TTC39C: variants seen among roughly 807,000 people sequenced by gnomAD.
The protein encoded by TTC39C is tetratricopeptide repeat protein 39C.
TTC39C carries 33 observed loss-of-function variants against 76.3 expected under a neutral mutation model. The observed-to-expected ratio is 0.43, with a 90% CI of 0.33 to 0.58. The LOEUF is 0.58. Among genes scored for constraint, TTC39C ranks in the 20% least tolerant of loss-of-function variants. The probability of loss-of-function intolerance (pLI) is 0.04; values close to 1 mark genes in which losing one functional copy is unlikely to be tolerated. For synonymous variants in TTC39C, 254 were observed against 260.6 expected, an observed-to-expected ratio of 0.97 and a Z score of 0.24; for missense variants, 595 against 701.4, an observed-to-expected ratio of 0.85 and a Z score of 1.71.
At chr18:24,037,864 G>T (rs551895785) in intron 1 of TTC39C, among the ~76,000 whole-genome samples, 9 of 152,290 alleles carry the variant, frequency 5.9e-5, no homozygotes, top group African/African-American at 1.9e-4. Flanking sequence ...ACTGTGAACG[G>T]CAGGTACCAT....
At chr18:24,057,321 GTTTTTC>G (rs1195380038) in intron 1 of TTC39C, among the ~76,000 whole-genome samples, 2 of 152,112 alleles carry the variant, frequency 1.3e-5, no homozygotes, top group Non-Finnish European at 1.5e-5. Flanking sequence ...TTATCTGATT[GTTTTTC>G]TTTTTAATAT....
At chr18:24,081,064 A>T in intron 5 of TTC39C, 125 bp downstream of exon 5, 2 of 800,614 alleles carry the variant, frequency 2.5e-6, no homozygotes, top group Non-Finnish European at 3.9e-6. Flanking sequence ...GCTGTGTCTT[A>T]TGTCTTTCAA....
At chr18:24,103,034 G>A (rs1474882874) in intron 6 of TTC39C, among the ~76,000 whole-genome samples, 3 of 152,122 alleles carry the variant, frequency 2.0e-5, no homozygotes, top group East Asian at 3.9e-4. Context: ...CCTAGGAGGC[G>A]GAGGTTGCAG....
chr18:23,998,743 C>T (rs1261607902), intron 1 of TTC39C, among the ~76,000 whole-genome samples: 1 of 152,200 alleles, frequency 6.6e-6, no homozygotes, highest in East Asian at 1.9e-4. Flanking sequence ...ATAAATGCTG[C>T]ACAGAAGTGG....
intron 6 of TTC39C, among the ~76,000 whole-genome samples, chr18:24,113,096 T>C (rs2084836898): frequency 6.6e-6 from 1 of 152,190 alleles, no homozygotes; most frequent in Non-Finnish European, 1.5e-5. Flanking sequence ...AGAACAGGAA[T>C]CAGGGATGCG....
intron 1 of TTC39C, among the ~76,000 whole-genome samples, chr18:24,019,433 C>T (rs2083493140): frequency 6.6e-6 from 1 of 152,180 alleles, no homozygotes; most frequent in African/African-American, 2.4e-5. Flanking sequence ...TGTGACACTT[C>T]CTTTTCCATT....
intron 1 of TTC39C, among the ~76,000 whole-genome samples, chr18:24,026,378 T>C (rs1568410007): frequency 6.6e-6 from 1 of 152,192 alleles, no homozygotes. Context: ...CAGGGCACAG[T>C]TGCCTCAAAG....
intron 1 of TTC39C, among the ~76,000 whole-genome samples, chr18:24,050,387 C>T (rs746825530): frequency 7.9e-5 from 12 of 151,008 alleles, no homozygotes; most frequent in African/African-American, 2.9e-4. Context: ...TTGGACAACA[C>T]GACGGAATCC....
Position 24,066,286 on chromosome 18 carries a change from A to G in TTC39C, c.345+146A>G, listed in dbSNP as rs917768695. ...AATGTTTCTTATGGTTTTTGGTTAT[A>G]TAAAATGTTATCTCTTATAAAAACA... On this transcript the variant is annotated intron_variant, in intron 3 of 13. Transcript: ENST00000317571. The G allele has an allele frequency of 5.6e-6, 6 of 1,078,922 alleles. No homozygotes were observed. The African/African-American group carries it at 8.5e-5, about 15-fold the overall frequency. 66.8% of individuals were successfully genotyped at this position (1,078,922 alleles called of 1,614,324 possible). A position where few individuals can be genotyped will look rare whatever the true frequency, so the allele number is the denominator to read the frequency against.
rs773106527 is a variant in TTC39C, at chr18:24,064,125, G to T, written c.168-15G>T. 1.6e-5 allele frequency: 26 copies of T among 1,599,236 alleles called. No homozygotes were observed. Among genetic ancestry groups the T allele is most frequent in the Admixed American group, 3.4e-5 (2 of 59,512 alleles). The stretch of plus-strand genomic sequence containing the variant: ...ATAATTGTATTTTGTGTGTGTGTGT[G>T]TGTTTTTTTAACAGAAATCATAGCC... On this transcript the variant is annotated splice_polypyrimidine_tract_variant and intron_variant, in intron 1 of 13. Transcript: ENST00000317571.
chr18:24,002,584 G>A (rs183175341), intron 1 of TTC39C, among the ~76,000 whole-genome samples: 62 of 152,286 alleles, frequency 4.1e-4, no homozygotes, highest in African/African-American at 1.3e-3. Context: ...AATGTGTGGG[G>A]ATTTCTGTGT....
chr18:24,056,943 G>A (rs1000227473), intron 1 of TTC39C, among the ~76,000 whole-genome samples: 2 of 152,088 alleles, frequency 1.3e-5, no homozygotes, highest in Non-Finnish European at 2.9e-5. Context: ...TCAGCCTCCG[G>A]AAGTGCTAGG....
intron 7 of TTC39C, among the ~76,000 whole-genome samples, chr18:24,115,801 G>C (rs1214065369): frequency 1.3e-5 from 2 of 152,224 alleles, no homozygotes; most frequent in African/African-American, 4.8e-5. Flanking sequence ...AGGAAATGAT[G>C]TATAATCCAG....
chr18:24,070,652 T>A (rs74726331), intron 4 of TTC39C, among the ~76,000 whole-genome samples: 2 of 152,082 alleles, frequency 1.3e-5, no homozygotes, highest in Non-Finnish European at 2.9e-5. Flanking sequence ...GAGACCAGCC[T>A]GGCCAACATG....
intron 1 of TTC39C, among the ~76,000 whole-genome samples, chr18:24,022,302 G>T (rs900032164): frequency 6.6e-6 from 1 of 151,668 alleles, no homozygotes; most frequent in East Asian, 2.0e-4. Context: ...TTGTGGGCTG[G>T]CATTGAGCCA....
At chr18:24,091,688 A>G (rs564867815) in intron 6 of TTC39C, among the ~76,000 whole-genome samples, 5 of 152,346 alleles carry the variant, frequency 3.3e-5, no homozygotes, top group African/African-American at 1.2e-4. Context: ...AAGACAACCC[A>G]TAGAATGGGA....
intron 1 of TTC39C, among the ~76,000 whole-genome samples, chr18:24,056,954 A>G (rs1400901992): frequency 6.6e-6 from 1 of 152,058 alleles, no homozygotes; most frequent in African/African-American, 2.4e-5. Context: ...AAGTGCTAGG[A>G]TTATAGGTGT....
At chr18:24,072,065 A>G (rs1349571480) in intron 4 of TTC39C, among the ~76,000 whole-genome samples, 1 of 152,216 alleles carries the variant, frequency 6.6e-6, no homozygotes, top group East Asian at 1.9e-4. Context: ...TGGGTTATTA[A>G]GCTACAAATA....
chr18:24,132,091 A>G (rs2085138088), intron 13 of TTC39C, among the ~76,000 whole-genome samples, 171 bp downstream of exon 13: 2 of 152,240 alleles, frequency 1.3e-5, no homozygotes, highest in African/African-American at 4.8e-5. Context: ...AAGGGACATT[A>G]CAAGATCATA....
Sources: allele counts gnomAD v4.1 joint callset (sites outside exome capture counted in the v4.1 genomes callset), GRCh38; gene constraint gnomAD v4.1.1; transcripts MANE v1.5; gene names NCBI Gene and HGNC (gene_info 2026-07-23, HGNC 2026-07-21).